SEMA6D: variants seen among roughly 807,000 people sequenced by gnomAD.
The protein encoded by SEMA6D is semaphorin 6D, also known as semaphorin-6D.
Under a neutral mutation model 106.6 loss-of-function variants are expected in SEMA6D, and 35 were observed. The ratio of observed to expected loss-of-function variants is 0.33; its 90% CI spans 0.25 to 0.44. The LOEUF (loss-of-function observed/expected upper bound fraction) is 0.44, where lower values mean the gene tolerates loss of function less well. SEMA6D is among the 20% of genes least tolerant of loss of function. The pLI is 1.00. For synonymous variants in SEMA6D, 499 were observed against 487.7 expected, an observed-to-expected ratio of 1.02 and a Z score of -0.31; for missense variants, 1,185 against 1,345.9, an observed-to-expected ratio of 0.88 and a Z score of 1.87.
chr15:47,301,189 G>T (rs973235553), intron 1 of SEMA6D, among the ~76,000 whole-genome samples: 1 of 152,158 alleles, frequency 6.6e-6, no homozygotes, highest in Non-Finnish European at 1.5e-5. Flanking sequence ...TGGAGTCAGC[G>T]ATTTCTAAGA....
At chr15:47,227,318 G>C (rs2031748661) in intron 1 of SEMA6D, among the ~76,000 whole-genome samples, 1 of 151,896 alleles carries the variant, frequency 6.6e-6, no homozygotes, top group Admixed American at 6.6e-5. Context: ...AACTCTTTAT[G>C]ATTATTGGAG....
chr15:47,394,559 C>G (rs2040147444), intron 1 of SEMA6D, among the ~76,000 whole-genome samples: 2 of 152,092 alleles, frequency 1.3e-5, no homozygotes, highest in Non-Finnish European at 2.9e-5. Context: ...AATCACTTCC[C>G]TCACAAAAAA....
At chr15:47,429,602 C>A (rs1474712559) in intron 2 of SEMA6D, among the ~76,000 whole-genome samples, 1 of 152,124 alleles carries the variant, frequency 6.6e-6, no homozygotes, top group Non-Finnish European at 1.5e-5. Context: ...AAGCACTTGG[C>A]TCTCCAGCCA....
chr15:47,306,707 T>C (rs2036245716), intron 1 of SEMA6D, among the ~76,000 whole-genome samples: 1 of 152,254 alleles, frequency 6.6e-6, no homozygotes, highest in African/African-American at 2.4e-5. Context: ...ATAGTGAGAC[T>C]CTGTCTCAAA....
At chr15:47,567,909 T>C (rs1437021283) in intron 3 of SEMA6D, among the ~76,000 whole-genome samples, 2 of 152,122 alleles carry the variant, frequency 1.3e-5, no homozygotes, top group East Asian at 3.9e-4. Context: ...TACAAAAAAT[T>C]TAAATAGGTG....
At chr15:47,186,468 T>C (rs887387714) in intron 1 of SEMA6D, among the ~76,000 whole-genome samples, 7 of 151,790 alleles carry the variant, frequency 4.6e-5, no homozygotes, top group African/African-American at 1.7e-4. Flanking sequence ...TATTGTGTTC[T>C]CTCTCTCTCT....
intron 4 of SEMA6D, among the ~76,000 whole-genome samples, chr15:47,613,257 T>G (rs146130200): frequency 2.6e-5 from 4 of 152,338 alleles, no homozygotes; most frequent in African/African-American, 9.6e-5. Context: ...GGTTTGAGCC[T>G]CATTTATTCA....
At chr15:47,371,537 T>G (rs2039272425) in intron 1 of SEMA6D, among the ~76,000 whole-genome samples, 1 of 152,132 alleles carries the variant, frequency 6.6e-6, no homozygotes, top group South Asian at 2.1e-4. Flanking sequence ...TGCCAGAAAC[T>G]CCAGGAAGGG....
chr15:47,739,512 G>A (rs771177567), intron 1 of SEMA6D, among the ~76,000 whole-genome samples: 18 of 152,142 alleles, frequency 1.2e-4, no homozygotes, highest in Non-Finnish European at 2.6e-4. Flanking sequence ...GTTAAGATAG[G>A]TTTTAGTGGT....
intron 3 of SEMA6D, among the ~76,000 whole-genome samples, chr15:47,499,276 A>G (rs2043769629): frequency 6.6e-6 from 1 of 152,150 alleles, no homozygotes; most frequent in Non-Finnish European, 1.5e-5. Flanking sequence ...GTCCTCAGAA[A>G]TAGTCTTTCT....
chr15:47,539,811 A>G (rs2045299772), intron 3 of SEMA6D, among the ~76,000 whole-genome samples: 1 of 152,154 alleles, frequency 6.6e-6, no homozygotes, highest in Admixed American at 6.6e-5. Context: ...TATAGCCAAA[A>G]ATACAAGTTC....
chr15:47,771,281 C>T lies in SEMA6D; in HGVS notation c.2718C>T (p.Asn906=). The change falls in exon 19 of 19, where the codon AAC becomes AAT. Residue 906 remains asparagine (N), a synonymous_variant. Transcript: ENST00000536845. ...GAGACATCCAGATGGCACACCAGAA[C>T]TTAATGCTGGATCCCATGGGATCGA... ...IMGDIQMAHQ[N]LMLDPMGSMS... 1 of 1,614,078 alleles carries T rather than the reference C, an allele frequency of 6.2e-7. No individual in the cohort carries two copies. The highest frequency in any genetic ancestry group is 8.5e-7 in the Non-Finnish European group (1 of 1,179,996).
intron 1 of SEMA6D, among the ~76,000 whole-genome samples, chr15:47,246,726 C>T (rs184712132): frequency 3.3e-4 from 50 of 152,322 alleles, no homozygotes; most frequent in African/African-American, 1.2e-3. Context: ...CCCAGATAAT[C>T]TAGAATAATC....
chr15:47,546,247 C>T (rs2045518077), intron 3 of SEMA6D, among the ~76,000 whole-genome samples: 1 of 152,068 alleles, frequency 6.6e-6, no homozygotes, highest in African/African-American at 2.4e-5. Context: ...TCACCAAAAC[C>T]AAATGAGAAA....
chr15:47,498,893 G>A (rs1455223130), intron 3 of SEMA6D, among the ~76,000 whole-genome samples: 1 of 152,088 alleles, frequency 6.6e-6, no homozygotes, highest in Non-Finnish European at 1.5e-5. Context: ...ATTTCTAGTA[G>A]CCCTGCTCCT....
intron 1 of SEMA6D, among the ~76,000 whole-genome samples, chr15:47,232,222 G>C (rs557436156): frequency 8.5e-4 from 130 of 152,056 alleles, no homozygotes; most frequent in African/African-American, 3.0e-3. Flanking sequence ...TCCACTGTAA[G>C]GATATACTAC....
At chr15:47,730,527 C>A (rs1184135258) in intron 1 of SEMA6D, 14 of 1,311,400 alleles carry the variant, frequency 1.1e-5, no homozygotes, top group Non-Finnish European at 1.4e-5. Context: ...GTGTCAACTC[C>A]TGCTCGAAGG....
chr15:47,525,505 T>C (rs1161589161), intron 3 of SEMA6D: 2 of 152,246 alleles, frequency 1.3e-5, no homozygotes, highest in Non-Finnish European at 2.9e-5. Flanking sequence ...TTTCTCATTG[T>C]CTTTATGCTT....
chr15:47,632,747 G>A (rs1307378631), intron 4 of SEMA6D, among the ~76,000 whole-genome samples: 1 of 151,638 alleles, frequency 6.6e-6, no homozygotes, highest in Admixed American at 6.6e-5. Context: ...TCTTCTGATT[G>A]GCATAGTTAG....
Sources: gnomAD v4.1 joint callset for allele counts (sites outside exome capture counted in the v4.1 genomes callset) on GRCh38, gnomAD v4.1.1 for gene constraint, MANE v1.5 for transcripts, NCBI Gene and HGNC (gene_info 2026-07-23, HGNC 2026-07-21) for gene names.